Variants in FBXL17 observed in about 807,000 individuals in gnomAD.
The protein encoded by FBXL17 is F-box/LRR-repeat protein 17.
In FBXL17, 22 loss-of-function variants were observed where a neutral mutation model predicts 66.2. The observed-to-expected ratio is 0.33, with a 90% confidence interval of 0.24 to 0.47. The LOEUF (loss-of-function observed/expected upper bound fraction) is 0.47, where lower values mean the gene tolerates loss of function less well. FBXL17 is among the 20% of genes least tolerant of loss of function. FBXL17 has a pLI of 1.00. For missense variants in FBXL17, 878 were observed against 948.2 expected (o/e 0.93, Z 0.97); for synonymous variants, 474 against 400.5 (o/e 1.18, Z -2.19).
chr5:108,054,685 T>A (rs1414801821), intron 6 of FBXL17, among the ~76,000 whole-genome samples: 11 of 152,212 alleles, frequency 7.2e-5, no homozygotes, highest in Admixed American at 7.2e-4. Context: ...ATTTTTCTCT[T>A]ATAAGGCTGT....
At chr5:107,983,394 A>G (rs1752897638) in intron 7 of FBXL17, among the ~76,000 whole-genome samples, 1 of 151,504 alleles carries the variant, frequency 6.6e-6, no homozygotes, top group Admixed American at 6.6e-5. Context: ...AGGTCTTGCT[A>G]TGTTGCCCAG....
Position 108,183,542 on chromosome 5 carries a change from G to A in FBXL17, c.1745+2575C>T, listed in dbSNP as rs150309042. Among the ~76,000 whole-genome samples the A allele has an allele frequency of 8.4e-3, 1,286 of 152,234 alleles. 9 individuals are homozygous for A. The highest frequency in any genetic ancestry group is 0.014 in the Non-Finnish European group (937 of 68,004). On this transcript the variant is annotated intron_variant, in intron 6 of 8. Transcript: ENST00000542267. ...CTTTGTAAACTTTGTTTTCAGGAAA[G>A]TTAATTTATTTGAATTTTCTTTTTC...
At chr5:108,069,614 GA>G (rs1216838204) in intron 6 of FBXL17, among the ~76,000 whole-genome samples, 1 of 152,148 alleles carries the variant, frequency 6.6e-6, no homozygotes, top group Non-Finnish European at 1.5e-5. Context: ...TGCAAGTCAG[GA>G]AACCACAGAG....
At chr5:107,978,088 C>T (rs1370148188) in intron 7 of FBXL17, among the ~76,000 whole-genome samples, 1 of 151,618 alleles carries the variant, frequency 6.6e-6, no homozygotes, top group African/African-American at 2.4e-5. Context: ...CAGTGGGACC[C>T]AGGAATTTGC....
chr5:108,191,718 A>G (rs1753478109), intron 5 of FBXL17, among the ~76,000 whole-genome samples: 1 of 152,216 alleles, frequency 6.6e-6, no homozygotes, highest in Non-Finnish European at 1.5e-5. Flanking sequence ...ACTCCTCACA[A>G]TAAGGTAGAC....
chr5:108,310,819 G>T (rs1759078683), intron 4 of FBXL17, among the ~76,000 whole-genome samples: 1 of 152,114 alleles, frequency 6.6e-6, no homozygotes, highest in African/African-American at 2.4e-5. Context: ...TGACTTGTCA[G>T]GGTTCCTTCT....
chr5:107,923,693 A>G (rs1422339042), intron 7 of FBXL17, among the ~76,000 whole-genome samples: 1 of 152,162 alleles, frequency 6.6e-6, no homozygotes, highest in Non-Finnish European at 1.5e-5. Context: ...TTGTTCCCTA[A>G]AACACTAGGG....
At chr5:108,353,509 C>T (rs1372082691) in intron 3 of FBXL17, among the ~76,000 whole-genome samples, 2 of 152,128 alleles carry the variant, frequency 1.3e-5, no homozygotes, top group South Asian at 2.1e-4. Context: ...GAGAAATCAC[C>T]TCATGCATAC....
intron 4 of FBXL17, among the ~76,000 whole-genome samples, chr5:108,294,044 A>T (rs1245881875): frequency 3.2e-5 from 2 of 62,890 alleles, no homozygotes; most frequent in South Asian, 1.0e-3. Flanking sequence ...CTTGTCTCAC[A>T]AAAAAAAAAA....
chr5:108,362,697 A>G (rs1748419565), intron 3 of FBXL17, among the ~76,000 whole-genome samples: 1 of 152,132 alleles, frequency 6.6e-6, no homozygotes, highest in African/African-American at 2.4e-5. Flanking sequence ...CAATAGTTAA[A>G]ACATTAGAGT....
chr5:108,137,743 C>T (rs1312179197), intron 6 of FBXL17, among the ~76,000 whole-genome samples: 2 of 152,122 alleles, frequency 1.3e-5, no homozygotes, highest in Non-Finnish European at 2.9e-5. Context: ...AATAAATGAT[C>T]TAACAGGACC....
chr5:107,984,283 T>C (rs896016133), intron 7 of FBXL17, among the ~76,000 whole-genome samples: 3 of 152,212 alleles, frequency 2.0e-5, no homozygotes, highest in Non-Finnish European at 1.5e-5. Flanking sequence ...TCCCTCTCCC[T>C]AAACTTTCAA....
At chr5:108,169,644 T>C (rs920399762) in intron 6 of FBXL17, among the ~76,000 whole-genome samples, 31 of 152,186 alleles carry the variant, frequency 2.0e-4, no homozygotes, top group African/African-American at 7.0e-4. Flanking sequence ...AAGCCACCAT[T>C]CTATGTTAGA....
chr5:108,280,984 T>G (rs1757680509), intron 4 of FBXL17, among the ~76,000 whole-genome samples: 1 of 151,840 alleles, frequency 6.6e-6, no homozygotes, highest in Non-Finnish European at 1.5e-5. Context: ...ATTCTAAATA[T>G]ATATATGCTC....
At position 108,128,173 on chromosome 5, in the gene FBXL17, G is replaced by A. The variant is rs150504789; in HGVS notation, c.1745+57944C>T. Reference sequence around the variant, plus strand: ...AAGCACAAGAATAGCTTGAACATGCGAGGCAGAGCTTGCAGTGAGCCGAGA... The same window carrying A: ...AAGCACAAGAATAGCTTGAACATGCAAGGCAGAGCTTGCAGTGAGCCGAGA... On this transcript the variant is annotated intron_variant, in intron 6 of 8. Transcript: ENST00000542267. 8.7e-3 allele frequency among the ~76,000 whole-genome samples: 1,312 copies of A among 151,458 alleles called. 9 individuals are homozygous for A. Among genetic ancestry groups the A allele is most frequent in the Non-Finnish European group, 0.014 (945 of 67,942 alleles).
At chr5:108,254,096 G>C (rs2150117198) in intron 4 of FBXL17, among the ~76,000 whole-genome samples, 1 of 152,220 alleles carries the variant, frequency 6.6e-6, no homozygotes, top group East Asian at 1.9e-4. Context: ...TTGAATCATA[G>C]AAACAATTAA....
intron 7 of FBXL17, among the ~76,000 whole-genome samples, chr5:107,966,080 C>T (rs1752127074): frequency 6.6e-6 from 1 of 152,118 alleles, no homozygotes; most frequent in South Asian, 2.1e-4. Flanking sequence ...CAGAGTATTA[C>T]AGGCATAAAA....
In FBXL17 at chr5:108,177,911, G is replaced by GTATATATATATATATA. The variant is rs70996985; in HGVS notation, c.1745+8190_1745+8205dup. The stretch of plus-strand genomic sequence containing the variant: ...TTATCCTTGCTCCAGAAAAAAAAAT[G>GTATATATATATATATA]TATATATATATATATATATATACAC... On this transcript the variant is annotated intron_variant, in intron 6 of 8. Transcript: ENST00000542267. Among the ~76,000 whole-genome samples, 197 of 115,230 alleles carry GTATATATATATATATA rather than the reference G, an allele frequency of 1.7e-3. 5 individuals are homozygous for GTATATATATATATATA. The East Asian group carries it at 0.02, about 12-fold the overall frequency. The allele number at this position is 115,230 out of a possible 152,430, so 75.6% of individuals were successfully genotyped here.
chr5:108,015,257 T>A (rs1754337546), intron 7 of FBXL17, among the ~76,000 whole-genome samples: 2 of 152,162 alleles, frequency 1.3e-5, no homozygotes, highest in South Asian at 4.1e-4. Flanking sequence ...AGCAATTTAG[T>A]ACTATTTTGT....
Sources: gnomAD v4.1 joint callset for allele counts (sites outside exome capture counted in the v4.1 genomes callset) on GRCh38, gnomAD v4.1.1 for gene constraint, MANE v1.5 for transcripts, NCBI Gene and HGNC (gene_info 2026-07-23, HGNC 2026-07-21) for gene names.